CCSER1: variants seen among roughly 807,000 people sequenced by gnomAD.
The protein encoded by CCSER1 is serine-rich coiled-coil domain-containing protein 1.
A neutral mutation model predicts 82.0 loss-of-function variants in CCSER1; 41 were observed. The ratio of observed to expected loss-of-function variants is 0.50; its 90% CI spans 0.39 to 0.65. CCSER1 has a LOEUF of 0.65. Among genes scored for constraint, CCSER1 ranks in the 30% least tolerant of loss-of-function variants. The probability of loss-of-function intolerance (pLI) is 0.00; values close to 1 mark genes in which losing one functional copy is unlikely to be tolerated. For synonymous variants in CCSER1, 414 were observed against 383.9 expected (o/e 1.08, Z -0.92); for missense variants, 1,119 against 1,064.2 (o/e 1.05, Z -0.72).
At chr4:90,872,160 G>A in intron 8 of CCSER1, among the ~76,000 whole-genome samples, 1 of 151,402 alleles carries the variant, frequency 6.6e-6, no homozygotes, top group Non-Finnish European at 1.5e-5. Flanking sequence ...TAGTCCATTT[G>A]GATTCAATGT....
At chr4:91,382,868 A>T (rs912768035) in intron 10 of CCSER1, among the ~76,000 whole-genome samples, 2 of 152,062 alleles carry the variant, frequency 1.3e-5, no homozygotes, top group African/African-American at 4.8e-5. Context: ...GTCTTATTTT[A>T]AGAATGGCCC....
At chr4:90,542,222 G>T (rs1392807663) in intron 5 of CCSER1, among the ~76,000 whole-genome samples, 2 of 151,966 alleles carry the variant, frequency 1.3e-5, no homozygotes, top group African/African-American at 4.8e-5. Context: ...GAGAGAAAAA[G>T]AAACAGTCAT....
chr4:90,308,419 TC>T lies in CCSER1; in HGVS notation c.137del (p.Pro46LeufsTer58), dbSNP rs1734693614. On this transcript the variant is annotated frameshift_variant, in exon 2 of 11. Coordinates refer to ENST00000509176, the MANE Select transcript of CCSER1 (RefSeq NM_001145065.2). LOFTEE classifies it high-confidence loss of function. ...ATACAGTTGGTGTCCACAGTTCCTC[TC>T]CTTCCAGCACTAACTCAAGCTCAGG... is the stretch of plus-strand genomic sequence containing the variant. ...SNTVGVHSSS[P>X]SSTNSSSGST... is the part of the protein sequence containing the mutation. The T allele has an allele frequency of 1.9e-6, 3 of 1,613,862 alleles. No homozygotes were observed. The highest frequency in any genetic ancestry group is 2.5e-6 in the Non-Finnish European group (3 of 1,179,842).
At chr4:91,282,706 T>G (rs530449425) in intron 10 of CCSER1, among the ~76,000 whole-genome samples, 1 of 152,290 alleles carries the variant, frequency 6.6e-6, no homozygotes, top group African/African-American at 2.4e-5. Flanking sequence ...TTAGTATGTC[T>G]TTATAGGTCC....
intron 1 of CCSER1, among the ~76,000 whole-genome samples, chr4:90,244,217 T>C (rs771886832): frequency 7.2e-5 from 11 of 152,276 alleles, no homozygotes; most frequent in African/African-American, 2.4e-4. Flanking sequence ...GAGAAAATTA[T>C]GAGATAGAGT....
At chr4:90,703,526 C>T (rs1427506470) in intron 6 of CCSER1, among the ~76,000 whole-genome samples, 1 of 152,062 alleles carries the variant, frequency 6.6e-6, no homozygotes, top group Admixed American at 6.6e-5. Flanking sequence ...CCTGGATATC[C>T]TTGTTAACTT....
chr4:90,309,080 G>T lies in CCSER1; in HGVS notation c.796G>T (p.Asp266Tyr), dbSNP rs2153478855. Reference protein sequence around the residue: ...TPSEFLALTEDSVSEMDAFSK... With the variant: ...TPSEFLALTEYSVSEMDAFSK... ...TTCAGAATTTTTAGCCTTGACTGAA[G>T]ATTCTGTGTCTGAAATGGATGCATT... The change falls in exon 2 of 11, where the codon GAT becomes TAT. Residue 266 changes from aspartate (D) to tyrosine (Y), a missense_variant. Physicochemically the swap from Asp to Tyr is radical, Grantham distance 160 (BLOSUM62 -3). Transcript: ENST00000509176. 2 of 1,613,874 alleles carry T rather than the reference G, an allele frequency of 1.2e-6. No individual in the cohort carries two copies. The highest frequency in any genetic ancestry group is 2.2e-5 in the East Asian group (1 of 44,882).
At chr4:90,349,073 G>A (rs1742941203) in intron 3 of CCSER1, among the ~76,000 whole-genome samples, 1 of 151,940 alleles carries the variant, frequency 6.6e-6, no homozygotes, top group Admixed American at 6.6e-5. Context: ...ATAAAATGGA[G>A]GCCAAACTGT....
At position 90,460,311 on chromosome 4, in the gene CCSER1, C is replaced by T. The variant is rs1014367584; in HGVS notation, c.1604-7923C>T. Among the ~76,000 whole-genome samples the T allele has an allele frequency of 8.4e-4, 66 of 78,982 alleles. 1 individual carries two copies. The highest frequency in any genetic ancestry group is 1.2e-3 in the Non-Finnish European group (58 of 50,100). The allele number at this position is 78,982 out of a possible 152,430, so 51.8% of individuals were successfully genotyped here. ...CTGCACTCCAGCCTGGGCGACAGAG[C>T]GAAACTCCGTCTCAAAAAAAAAAAA... On this transcript the variant is annotated intron_variant, in intron 4 of 10. Transcript: ENST00000509176.
intron 6 of CCSER1, among the ~76,000 whole-genome samples, chr4:90,703,092 T>C (rs1420024155): frequency 6.6e-6 from 1 of 152,202 alleles, no homozygotes; most frequent in Non-Finnish European, 1.5e-5. Flanking sequence ...TCTTTCCTGC[T>C]TTCTCTTATG....
chr4:91,416,029 G>A (rs1405837813), intron 10 of CCSER1, among the ~76,000 whole-genome samples: 1 of 151,952 alleles, frequency 6.6e-6, no homozygotes, highest in Non-Finnish European at 1.5e-5. Context: ...TCTTGTCCTG[G>A]TCTTTTTTAA....
chr4:91,157,748 C>T (rs924795826), intron 10 of CCSER1, among the ~76,000 whole-genome samples: 8 of 151,894 alleles, frequency 5.3e-5, no homozygotes, highest in African/African-American at 1.4e-4. Context: ...AGTACAGCAG[C>T]GAATCTGGGA....
intron 9 of CCSER1, among the ~76,000 whole-genome samples, chr4:90,981,220 T>C (rs1300486674): frequency 6.6e-6 from 1 of 151,858 alleles, no homozygotes; most frequent in African/African-American, 2.4e-5. Context: ...AAACTTTATT[T>C]CTTTTCTTCC....
chr4:90,629,675 A>G (rs929359637), intron 6 of CCSER1, among the ~76,000 whole-genome samples: 42 of 152,284 alleles, frequency 2.8e-4, no homozygotes, highest in Non-Finnish European at 1.8e-4. Context: ...TCTGTGTCCC[A>G]TACAGGTTAT....
intron 8 of CCSER1, among the ~76,000 whole-genome samples, chr4:90,856,201 A>G (rs1303307710): frequency 6.6e-6 from 1 of 152,112 alleles, no homozygotes; most frequent in African/African-American, 2.4e-5. Flanking sequence ...TGAGTCATAT[A>G]CCAATGGAGC....
intron 4 of CCSER1, among the ~76,000 whole-genome samples, chr4:90,429,749 T>C (rs1160144301): frequency 6.6e-6 from 1 of 151,804 alleles, no homozygotes; most frequent in Non-Finnish European, 1.5e-5. Context: ...CAATATATCA[T>C]GTTGATAAAG....
intron 1 of CCSER1, among the ~76,000 whole-genome samples, chr4:90,292,426 A>T (rs995336966): frequency 6.6e-6 from 1 of 151,952 alleles, no homozygotes; most frequent in African/African-American, 2.4e-5. Context: ...AATCTTAATA[A>T]TAGAGAAACA....
At chr4:90,796,440 T>G (rs1334320826) in intron 7 of CCSER1, among the ~76,000 whole-genome samples, 7 of 150,868 alleles carry the variant, frequency 4.6e-5, no homozygotes, top group African/African-American at 1.5e-4. Context: ...AAAAAACAGC[T>G]CTTGGATTTG....
chr4:91,312,559 G>A (rs1280547990), intron 10 of CCSER1, among the ~76,000 whole-genome samples: 1 of 151,756 alleles, frequency 6.6e-6, no homozygotes, highest in Non-Finnish European at 1.5e-5. Context: ...GAACTCCAGA[G>A]TACAAACTAA....
Sources: gnomAD v4.1 joint callset for allele counts (sites outside exome capture counted in the v4.1 genomes callset) on GRCh38, gnomAD v4.1.1 for gene constraint, MANE v1.5 for transcripts, NCBI Gene and HGNC (gene_info 2026-07-23, HGNC 2026-07-21) for gene names.